RABGAP1L: variants seen among roughly 807,000 people sequenced by gnomAD.
RABGAP1L encodes RAB GTPase activating protein 1 like, also known as rab GTPase-activating protein 1-like.
A neutral mutation model predicts 137.7 loss-of-function variants in RABGAP1L; 63 were observed. The observed-to-expected ratio is 0.46, with a 90% CI of 0.37 to 0.56. The LOEUF is 0.56. Among genes scored for constraint, RABGAP1L ranks in the 20% least tolerant of loss-of-function variants. The pLI, the probability that RABGAP1L is intolerant of heterozygous loss-of-function variation, is 0.00. For synonymous variants in RABGAP1L, 431 were observed against 433.7 expected, an observed-to-expected ratio of 0.99 and a Z score of 0.08; for missense variants, 1,095 against 1,244.0, an observed-to-expected ratio of 0.88 and a Z score of 1.80.
At chr1:174,742,527 G>A (rs1415002172) in intron 17 of RABGAP1L, among the ~76,000 whole-genome samples, 1 of 152,128 alleles carries the variant, frequency 6.6e-6, no homozygotes, top group Non-Finnish European at 1.5e-5. Context: ...AAAGAAAAAG[G>A]AAGAAAGAAA....
intron 18 of RABGAP1L, among the ~76,000 whole-genome samples, chr1:174,782,943 G>A (rs1243900549): frequency 1.3e-5 from 2 of 152,164 alleles, no homozygotes; most frequent in East Asian, 1.9e-4. Context: ...TCCGGAGCTG[G>A]GATCGGGCAA....
chr1:174,747,644 ACTG>A (rs1683989705), intron 17 of RABGAP1L, among the ~76,000 whole-genome samples: 1 of 152,066 alleles, frequency 6.6e-6, no homozygotes, highest in South Asian at 2.1e-4. Context: ...TTTTCTGGTA[ACTG>A]AAAGTTTCCT....
chr1:174,612,928 C>T (rs1469788905), intron 13 of RABGAP1L, among the ~76,000 whole-genome samples: 1 of 151,462 alleles, frequency 6.6e-6, no homozygotes, highest in Non-Finnish European at 1.5e-5. Context: ...TTTATTGCGT[C>T]TATTTGATTC....
intron 19 of RABGAP1L, chr1:174,875,540 A>G (rs894355607): frequency 3.0e-6 from 3 of 985,250 alleles, no homozygotes; most frequent in Non-Finnish European, 2.4e-6. Flanking sequence ...TCAGATATCC[A>G]TGTGTGGAAG....
At chr1:174,323,064 A>G (rs998881018) in intron 11 of RABGAP1L, among the ~76,000 whole-genome samples, 4 of 152,146 alleles carry the variant, frequency 2.6e-5, no homozygotes, top group East Asian at 3.8e-4. Flanking sequence ...AGAATATATT[A>G]TACACTTCAG....
intron 13 of RABGAP1L, among the ~76,000 whole-genome samples, chr1:174,428,665 GA>G (rs1162975710): frequency 4.6e-5 from 7 of 151,778 alleles, no homozygotes; most frequent in Non-Finnish European, 8.8e-5. Context: ...TTTCAACTTT[GA>G]AAAATATGCC....
chr1:174,529,317 G>A (rs994257214), intron 13 of RABGAP1L, among the ~76,000 whole-genome samples: 1 of 151,736 alleles, frequency 6.6e-6, no homozygotes, highest in African/African-American at 2.4e-5. Flanking sequence ...TCCTGAAAAT[G>A]CATCTATGAT....
intron 9 of RABGAP1L, 71 bp downstream of exon 9, chr1:174,276,006 T>A (rs1043962363): frequency 3.1e-6 from 4 of 1,295,866 alleles, no homozygotes. Flanking sequence ...GCTTGTCATG[T>A]TTTAAAAAAA....
At chr1:174,655,143 A>C (rs1333127059) in intron 14 of RABGAP1L, among the ~76,000 whole-genome samples, 1 of 152,110 alleles carries the variant, frequency 6.6e-6, no homozygotes, top group East Asian at 1.9e-4. Flanking sequence ...TTTTCTTATA[A>C]ACAAGGGTAT....
chr1:174,860,988 A>G (rs149439836), intron 19 of RABGAP1L, among the ~76,000 whole-genome samples: 16 of 152,252 alleles, frequency 1.1e-4, no homozygotes, highest in African/African-American at 3.1e-4. Context: ...CCAAACTTCA[A>G]TATACAGTAG....
At chr1:174,160,983 A>G (rs985072159) in intron 1 of RABGAP1L, among the ~76,000 whole-genome samples, 4 of 152,128 alleles carry the variant, frequency 2.6e-5, no homozygotes, top group Admixed American at 2.0e-4. Context: ...TGAAATTGAC[A>G]ATGAGATTTC....
chr1:174,250,019 G>C lies in RABGAP1L; in HGVS notation c.718-456G>C, dbSNP rs142514124. Among the ~76,000 whole-genome samples, 20 of 152,296 alleles carry C rather than the reference G, an allele frequency of 1.3e-4. No individual in the cohort carries two copies. The East Asian group carries it at 2.7e-3, about 21-fold the overall frequency. ...AATCATAGTTCTCTTCTGGTCTCCA[G>C]TATGTATGCTGGTGGTGCTTAGTGT... is the stretch of plus-strand genomic sequence containing the variant. On this transcript the variant is annotated intron_variant, in intron 5 of 25. Transcript: ENST00000681986.
chr1:174,750,294 C>T (rs1489626719), intron 17 of RABGAP1L, among the ~76,000 whole-genome samples: 3 of 152,048 alleles, frequency 2.0e-5, no homozygotes, highest in Non-Finnish European at 2.9e-5. Flanking sequence ...AGTTGTGTGC[C>T]TGAACTCCAA....
At chr1:174,746,335 A>T (rs1237028658) in intron 17 of RABGAP1L, among the ~76,000 whole-genome samples, 1 of 152,214 alleles carries the variant, frequency 6.6e-6, no homozygotes, top group African/African-American at 2.4e-5. Flanking sequence ...GCAGTATCCA[A>T]ATCAGTTAAA....
intron 19 of RABGAP1L, among the ~76,000 whole-genome samples, chr1:174,840,403 T>C (rs528466432): frequency 6.6e-6 from 1 of 152,212 alleles, no homozygotes; most frequent in East Asian, 1.9e-4. Flanking sequence ...CAGCTGCAGA[T>C]CTCACACAAA....
intron 17 of RABGAP1L, among the ~76,000 whole-genome samples, chr1:174,750,983 TA>T (rs1484796926): frequency 6.6e-6 from 1 of 152,222 alleles, no homozygotes; most frequent in Non-Finnish European, 1.5e-5. Context: ...ACCCACATTT[TA>T]AAATCTGTAA....
chr1:174,307,578 T>A (rs750614118), intron 11 of RABGAP1L, among the ~76,000 whole-genome samples: 1 of 152,176 alleles, frequency 6.6e-6, no homozygotes, highest in South Asian at 2.1e-4. Context: ...GTGTCTGGCT[T>A]CTTTCACTTA....
At chr1:174,271,927 A>T (rs1387655287) in intron 7 of RABGAP1L, among the ~76,000 whole-genome samples, 1 of 152,012 alleles carries the variant, frequency 6.6e-6, no homozygotes, top group Non-Finnish European at 1.5e-5. Context: ...TACTTAGTGA[A>T]CATGACTGTG....
intron 1 of RABGAP1L, among the ~76,000 whole-genome samples, chr1:174,218,564 A>G (rs1669517325): frequency 6.6e-6 from 1 of 152,164 alleles, no homozygotes; most frequent in Non-Finnish European, 1.5e-5. Context: ...TTTGGTGTTA[A>G]TAAGTGATAA....
Sources: allele counts gnomAD v4.1 joint callset (sites outside exome capture counted in the v4.1 genomes callset), GRCh38; gene constraint gnomAD v4.1.1; transcripts MANE v1.5; gene names NCBI Gene and HGNC (gene_info 2026-07-23, HGNC 2026-07-21).